The following ABL2 variants were observed in gnomAD, a reference collection of about 807,000 sequenced individuals.
ABL2 encodes the protein ABL proto-oncogene 2, non-receptor tyrosine kinase, also known as tyrosine-protein kinase ABL2.
Under a neutral mutation model 107.7 loss-of-function variants are expected in ABL2, and 49 were observed. The observed-to-expected ratio is 0.45, with a 90% confidence interval of 0.36 to 0.58. The LOEUF is 0.58. Among genes scored for constraint, ABL2 ranks in the 20% least tolerant of loss-of-function variants. The pLI is 0.00. For synonymous variants in ABL2, 549 were observed against 548.6 expected (o/e 1.00, Z -0.01); for missense variants, 1,245 against 1,457.0 (o/e 0.85, Z 2.37).
chr1:179,143,996 T>A (rs1019682935), intron 1 of ABL2, among the ~76,000 whole-genome samples: 1 of 152,082 alleles, frequency 6.6e-6, no homozygotes, highest in African/African-American at 2.4e-5. Context: ...ATGCCCAGCC[T>A]GAGTGTTAAA....
intron 3 of ABL2, among the ~76,000 whole-genome samples, chr1:179,129,385 C>T (rs1656057379): frequency 6.6e-6 from 1 of 152,164 alleles, no homozygotes; most frequent in South Asian, 2.1e-4. Flanking sequence ...GAGACTACTA[C>T]ACAATATAAA....
chr1:179,224,919 G>C (rs1018217197), intron 1 of ABL2, among the ~76,000 whole-genome samples: 1 of 151,692 alleles, frequency 6.6e-6, no homozygotes, highest in Non-Finnish European at 1.5e-5. Flanking sequence ...TCAGCTCCTC[G>C]GGAGGCTGAG....
chr1:179,212,813 G>A (rs1385310834), intron 1 of ABL2, among the ~76,000 whole-genome samples: 2 of 148,436 alleles, frequency 1.3e-5, no homozygotes, highest in African/African-American at 2.5e-5. Context: ...TTGGGAGGCC[G>A]AGGCAAGAGG....
At chr1:179,142,976 G>A (rs757108231) in intron 1 of ABL2, 29 of 1,614,048 alleles carry the variant, frequency 1.8e-5, no homozygotes, top group African/African-American at 4.0e-5. Flanking sequence ...CAGTGCACAG[G>A]CAGCAAAGTG....
In ABL2 at chr1:179,101,947, C is replaced by T. The variant is rs922271331; in HGVS notation, c.*5771G>A. ...GAGCAAGTAACAATAACTATTACTA[C>T]TGGCTTGCTGGAAAAAAGAAAAAAA... is the stretch of plus-strand genomic sequence containing the variant. On this transcript the variant is annotated 3_prime_UTR_variant, in exon 12 of 12. Coordinates refer to ENST00000502732, the MANE Select transcript of ABL2 (RefSeq NM_007314.4). 1 of 158,016 alleles carries T rather than the reference C, an allele frequency of 6.3e-6. No individual in the cohort carries two copies. The highest frequency in any genetic ancestry group is 1.3e-5 in the Non-Finnish European group (1 of 75,690). 9.8% of individuals were successfully genotyped at this position (158,016 alleles called of 1,614,324 possible). A position where few individuals can be genotyped will look rare whatever the true frequency, so the allele number is the denominator to read the frequency against.
At chr1:179,135,963 G>A (rs1467683319) in intron 1 of ABL2, among the ~76,000 whole-genome samples, 1 of 143,122 alleles carries the variant, frequency 7.0e-6, no homozygotes, top group Non-Finnish European at 1.5e-5. Context: ...AGGTGGGGGG[G>A]GTCAGCCCCC....
rs548639116 is a variant in ABL2 at position 179,106,588 on chromosome 1, T to A, written c.*1130A>T. 8.6e-6 allele frequency: 2 copies of A among 232,896 alleles called. No homozygotes were observed. The highest frequency in any genetic ancestry group is 1.7e-5 in the Non-Finnish European group (2 of 117,904). The allele number at this position is 232,896 out of a possible 1,614,324, so 14.4% of individuals were successfully genotyped here. A position where few individuals can be genotyped will look rare whatever the true frequency, so the allele number is the denominator to read the frequency against. ...GAGAGGAGAATGCCTCTCCCTATTCTCTACCTGGATTGGGCTTAAGGTGGT... is the reference window on the plus strand; with the variant it reads ...GAGAGGAGAATGCCTCTCCCTATTCACTACCTGGATTGGGCTTAAGGTGGT... On this transcript the variant is annotated 3_prime_UTR_variant, in exon 12 of 12. Coordinates refer to ENST00000502732, the MANE Select transcript of ABL2 (RefSeq NM_007314.4).
chr1:179,167,265 C>T (rs1369739996), intron 1 of ABL2, among the ~76,000 whole-genome samples: 4 of 152,100 alleles, frequency 2.6e-5, no homozygotes, highest in African/African-American at 4.8e-5. Flanking sequence ...TGCAGCAACA[C>T]GGATGGAACT....
chr1:179,201,614 G>C (rs2102846373), intron 1 of ABL2: 1 of 424,982 alleles, frequency 2.4e-6, no homozygotes, highest in Non-Finnish European at 4.4e-6. Flanking sequence ...TGCCTTCCTT[G>C]GCTGCCTACA....
intron 1 of ABL2, among the ~76,000 whole-genome samples, chr1:179,220,276 C>T (rs190894717): frequency 6.6e-6 from 1 of 152,192 alleles, no homozygotes; most frequent in African/African-American, 2.4e-5. Flanking sequence ...AGATGAAAGA[C>T]ATAAAAGGTC....
intron 1 of ABL2, among the ~76,000 whole-genome samples, chr1:179,149,318 T>A (rs576067707): frequency 1.3e-5 from 2 of 152,194 alleles, no homozygotes; most frequent in Non-Finnish European, 2.9e-5. Context: ...GAAGAAAAGT[T>A]TGAAGGTAGC....
intron 1 of ABL2, among the ~76,000 whole-genome samples, chr1:179,222,425 C>T (rs2487563): frequency 0.48 from 72,540 of 151,288 alleles, 17,544 homozygotes; most frequent in Admixed American, 0.54. Flanking sequence ...GGTTTTGCTC[C>T]TGTTGCCCAG....
intron 1 of ABL2, among the ~76,000 whole-genome samples, chr1:179,210,448 G>C (rs986073322): frequency 1.0e-4 from 13 of 126,652 alleles, no homozygotes; most frequent in Middle Eastern, 6.7e-3. Context: ...ACGTTGCAGT[G>C]AACTGAGATC....
chr1:179,211,495 C>G (rs765838113), intron 1 of ABL2, among the ~76,000 whole-genome samples: 7 of 151,724 alleles, frequency 4.6e-5, no homozygotes, highest in Non-Finnish European at 7.4e-5. Flanking sequence ...TCAGCCTGAG[C>G]AACACAGTGA....
At chr1:179,119,273 G>C (rs970174352) in intron 6 of ABL2, among the ~76,000 whole-genome samples, 4 of 152,162 alleles carry the variant, frequency 2.6e-5, no homozygotes, top group Non-Finnish European at 5.9e-5. Context: ...CGGGTGCAGT[G>C]GCTCATGCCT....
chr1:179,138,520 AT>A (rs1362328123), intron 1 of ABL2, among the ~76,000 whole-genome samples: 1 of 152,260 alleles, frequency 6.6e-6, no homozygotes, highest in African/African-American at 2.4e-5. Context: ...TAATAACACC[AT>A]TGGGACTCAA....
At chr1:179,138,007 TC>T (rs1476472154) in intron 1 of ABL2, 1 of 152,290 alleles carries the variant, frequency 6.6e-6, no homozygotes, top group East Asian at 1.9e-4. Context: ...GCCTGCTGCA[TC>T]TGCAACAGCC....
chr1:179,213,712 A>AT (rs888222026), intron 1 of ABL2, among the ~76,000 whole-genome samples: 6 of 152,174 alleles, frequency 3.9e-5, no homozygotes, highest in African/African-American at 1.2e-4. Flanking sequence ...GGTGCTGCTA[A>AT]TTTTTTTTCC....
In ABL2 at chr1:179,101,669, C is replaced by A. The variant is rs1653102209; in HGVS notation, c.*6049G>T. 5.6e-6 allele frequency: 1 copy of A among 179,468 alleles called. No homozygotes were observed. Among genetic ancestry groups the A allele is most frequent in the African/African-American group, 2.4e-5 (1 of 42,318 alleles). The allele number at this position is 179,468 out of a possible 1,614,324, so 11.1% of individuals were successfully genotyped here. Reference sequence around the variant, plus strand: ...TACAGGCACGAGCCACTGTGCCCAGCCAAAAGGTATCATCTTGTACATACT... The same window carrying A: ...TACAGGCACGAGCCACTGTGCCCAGACAAAAGGTATCATCTTGTACATACT... On this transcript the variant is annotated 3_prime_UTR_variant, in exon 12 of 12. Coordinates refer to ENST00000502732, the MANE Select transcript of ABL2 (RefSeq NM_007314.4).
Sources: allele counts gnomAD v4.1 joint callset (sites outside exome capture counted in the v4.1 genomes callset), GRCh38; gene constraint gnomAD v4.1.1; transcripts MANE v1.5; gene names NCBI Gene and HGNC (gene_info 2026-07-23, HGNC 2026-07-21).